LPP: variants seen among roughly 807,000 people sequenced by gnomAD.
LPP encodes the protein lipoma-preferred partner.
A neutral mutation model predicts 60.4 loss-of-function variants in LPP; 38 were observed. The observed-to-expected ratio is 0.63, with a 90% confidence interval of 0.49 to 0.83. LPP has a LOEUF of 0.83. Among genes scored for constraint, LPP ranks in the 40% least tolerant of loss-of-function variants. LPP has a pLI of 0.00. For missense variants in LPP, 902 were observed against 783.6 expected (o/e 1.15, Z -1.80); for synonymous variants, 328 against 290.8 (o/e 1.13, Z -1.30).
At chr3:188,402,951 G>A (rs367707350) in intron 3 of LPP, among the ~76,000 whole-genome samples, 1 of 152,148 alleles carries the variant, frequency 6.6e-6, no homozygotes, top group African/African-American at 2.4e-5. Context: ...AGAGGGAAAC[G>A]GCATTGTTGA....
intron 5 of LPP, among the ~76,000 whole-genome samples, chr3:188,509,687 T>TTC (rs757666151): frequency 0.084 from 7,294 of 86,794 alleles, 304 homozygotes; most frequent in Non-Finnish European, 0.093. Flanking sequence ...CCTTCCTTCC[T>TTC]CTCTCTCTCT....
At chr3:188,368,912 A>T (rs1382867050) in intron 3 of LPP, among the ~76,000 whole-genome samples, 1 of 152,290 alleles carries the variant, frequency 6.6e-6, no homozygotes, top group East Asian at 1.9e-4. Flanking sequence ...GGTGTGTGTG[A>T]AAGAGAGGGT....
At chr3:188,273,589 C>CTTTTTTTTTTTTTT (rs11380757) in intron 2 of LPP, among the ~76,000 whole-genome samples, 41 of 80,422 alleles carry the variant, frequency 5.1e-4, no homozygotes, top group Non-Finnish European at 6.6e-4. Context: ...TATTTTATAT[C>CTTTTTTTTTTTTTT]TTTTTTTTTT....
chr3:188,336,960 A>G (rs1761823917), intron 2 of LPP, among the ~76,000 whole-genome samples: 1 of 152,138 alleles, frequency 6.6e-6, no homozygotes, highest in Admixed American at 6.5e-5. Flanking sequence ...CCCTGGGATG[A>G]AGGGTGCTAC....
intron 5 of LPP, among the ~76,000 whole-genome samples, chr3:188,490,751 A>ATTTTTTT (rs58700818): frequency 0.05 from 4,583 of 91,376 alleles, 149 homozygotes; most frequent in Non-Finnish European, 0.076. Context: ...TGGCACTGGA[A>ATTTTTTT]TTTTTTTTTT....
chr3:188,708,862 G>T, intron 8 of LPP: 1 of 177,466 alleles, frequency 5.6e-6, no homozygotes, highest in Non-Finnish European at 1.2e-5. Flanking sequence ...AACAGAGTGA[G>T]ACCCTGTTTT....
At chr3:188,425,583 T>C (rs980170532) in intron 4 of LPP, among the ~76,000 whole-genome samples, 3 of 152,118 alleles carry the variant, frequency 2.0e-5, no homozygotes, top group Admixed American at 6.5e-5. Flanking sequence ...GGTCCTGGGC[T>C]TTTTTTGGTC....
intron 9 of LPP, among the ~76,000 whole-genome samples, chr3:188,857,575 G>A (rs1011668362): frequency 2.0e-5 from 3 of 152,150 alleles, no homozygotes; most frequent in Admixed American, 2.0e-4. Flanking sequence ...TATTTTTGGT[G>A]TATAAAGGAA....
chr3:188,335,527 A>G (rs927956497), intron 2 of LPP, among the ~76,000 whole-genome samples: 1 of 152,106 alleles, frequency 6.6e-6, no homozygotes, highest in African/African-American at 2.4e-5. Context: ...TGGTTTTGGT[A>G]TGAGGGTAAG....
At chr3:188,190,157 G>A (rs555480604) in intron 1 of LPP, among the ~76,000 whole-genome samples, 1 of 151,452 alleles carries the variant, frequency 6.6e-6, no homozygotes, top group African/African-American at 2.4e-5. Flanking sequence ...CTGGGTTCAA[G>A]CAATTCTCCC....
chr3:188,491,963 A>T (rs1428739409), intron 5 of LPP, among the ~76,000 whole-genome samples: 1 of 152,178 alleles, frequency 6.6e-6, no homozygotes, highest in Non-Finnish European at 1.5e-5. Flanking sequence ...TTGATAGTGG[A>T]GTATGTGTAC....
At chr3:188,532,422 C>CTCAA (rs145870680) in intron 6 of LPP, among the ~76,000 whole-genome samples, 66 of 151,526 alleles carry the variant, frequency 4.4e-4, no homozygotes, top group Middle Eastern at 6.9e-3. Context: ...AAAACTCTGT[C>CTCAA]TCAATCAATC....
intron 7 of LPP, among the ~76,000 whole-genome samples, chr3:188,678,938 A>G (rs1226950948): frequency 6.6e-6 from 1 of 152,248 alleles, no homozygotes; most frequent in African/African-American, 2.4e-5. Context: ...AATGGCAGTT[A>G]ATAATCTCTG....
At chr3:188,186,445 C>A (rs1409211546) in intron 1 of LPP, among the ~76,000 whole-genome samples, 1 of 152,114 alleles carries the variant, frequency 6.6e-6, no homozygotes, top group East Asian at 1.9e-4. Flanking sequence ...AAAAAGACGA[C>A]CTTGTCATGC....
intron 9 of LPP, among the ~76,000 whole-genome samples, chr3:188,777,291 GTT>G (rs371983065): frequency 6.4e-5 from 9 of 140,798 alleles, no homozygotes; most frequent in Admixed American, 1.4e-4. Flanking sequence ...ATGCATCTAG[GTT>G]TTTTTTTTTT....
chr3:188,785,505 C>T lies in LPP; in HGVS notation c.1410+25223C>T, dbSNP rs1741404264. Among the ~76,000 whole-genome samples the T allele has an allele frequency of 8.3e-5, 4 of 48,040 alleles. No individual in the cohort carries two copies. In the South Asian group the frequency reaches 4.2e-3, roughly 50 times the overall value. 31.5% of individuals were successfully genotyped at this position (48,040 alleles called of 152,430 possible). On this transcript the variant is annotated intron_variant, in intron 9 of 11. Transcript: ENST00000617246. ...TATATATTCATCATATATATATATT[C>T]CATCATATATATATATATATATATT... is the stretch of plus-strand genomic sequence containing the variant.
intron 4 of LPP, among the ~76,000 whole-genome samples, chr3:188,448,589 G>A (rs1795871513): frequency 6.6e-6 from 1 of 152,146 alleles, no homozygotes. Flanking sequence ...GGACCAATCA[G>A]AAAGACGATC....
intron 5 of LPP, among the ~76,000 whole-genome samples, chr3:188,498,122 A>G (rs1810767783): frequency 6.6e-6 from 1 of 152,170 alleles, no homozygotes; most frequent in African/African-American, 2.4e-5. Context: ...CCAGGCAGGC[A>G]CAACTCTTGA....
intron 7 of LPP, among the ~76,000 whole-genome samples, chr3:188,691,361 T>C (rs1862089106): frequency 6.6e-6 from 1 of 152,234 alleles, no homozygotes; most frequent in African/African-American, 2.4e-5. Context: ...AAATCTGTGC[T>C]TTAATTTCCT....
Sources: gnomAD v4.1 joint callset for allele counts (sites outside exome capture counted in the v4.1 genomes callset) on GRCh38, gnomAD v4.1.1 for gene constraint, MANE v1.5 for transcripts, NCBI Gene and HGNC (gene_info 2026-07-23, HGNC 2026-07-21) for gene names.